Variants in CDH1 observed in about 807,000 individuals in gnomAD.
The protein encoded by CDH1 is cadherin-1.
Under a neutral mutation model 84.5 loss-of-function variants are expected in CDH1, and 35 were observed. The ratio of observed to expected loss-of-function variants is 0.41; its 90% confidence interval spans 0.32 to 0.55. The LOEUF (loss-of-function observed/expected upper bound fraction) is 0.55. Ranked by LOEUF, CDH1 falls within the 20% of genes least tolerant of loss-of-function variation. The pLI is 0.19. For missense variants in CDH1, 994 were observed against 1,126.6 expected (o/e 0.88, Z 1.68); for synonymous variants, 417 against 439.0 (o/e 0.95, Z 0.63).
intron 2 of CDH1, among the ~76,000 whole-genome samples, chr16:68,791,855 G>T (rs1265098408): frequency 6.6e-6 from 1 of 152,172 alleles, no homozygotes; most frequent in Non-Finnish European, 1.5e-5. Flanking sequence ...GCTCGCTAAA[G>T]ATTTACTGGA....
intron 2 of CDH1, among the ~76,000 whole-genome samples, chr16:68,791,034 C>G (rs1306730049): frequency 1.3e-5 from 2 of 152,142 alleles, no homozygotes; most frequent in African/African-American, 4.8e-5. Flanking sequence ...CAAGAGCTAA[C>G]CTTTCTCATA....
In CDH1 at chr16:68,810,386, G is replaced by A. The variant is rs748124093; in HGVS notation, c.832+45G>A. 1.9e-6 allele frequency: 3 copies of A among 1,588,420 alleles called. 1 individual carries two copies. In the South Asian group the frequency reaches 3.3e-5, roughly 18 times the overall value. On this transcript the variant is annotated intron_variant, in intron 6 of 15. Coordinates refer to ENST00000261769, the MANE Select transcript of CDH1 (RefSeq NM_004360.5). Reference sequence around the variant, plus strand: ...TCTGAATACTCAGAAAGACTCTTAGGTTCTTTGGACCCCAAAGTGTTGTCC... The same window carrying A: ...TCTGAATACTCAGAAAGACTCTTAGATTCTTTGGACCCCAAAGTGTTGTCC...
intron 2 of CDH1, among the ~76,000 whole-genome samples, chr16:68,797,155 G>A (rs1439723693): frequency 6.6e-6 from 1 of 152,140 alleles, no homozygotes; most frequent in Non-Finnish European, 1.5e-5. Flanking sequence ...GGGAGGCTGA[G>A]GCAGGTGGAT....
At chr16:68,752,589 GT>G (rs1002657565) in intron 2 of CDH1, among the ~76,000 whole-genome samples, 16 of 152,150 alleles carry the variant, frequency 1.1e-4, no homozygotes, top group African/African-American at 3.6e-4. Context: ...CACTGTAGTT[GT>G]TTTTTTCTTT....
chr16:68,829,639 CT>C lies in CDH1; in HGVS notation c.2296-9del. ...TTCCTACTCTTCATTGTACTTCAAC[CT>C]TTTTTCTCCAAAGGACTTTGACTTG... On this transcript the variant is annotated splice_polypyrimidine_tract_variant and intron_variant, in intron 14 of 15. Coordinates refer to ENST00000261769, the MANE Select transcript of CDH1 (RefSeq NM_004360.5). 1 of 1,613,832 alleles carries C rather than the reference CT, an allele frequency of 6.2e-7. No individual in the cohort carries two copies. The highest frequency in any genetic ancestry group is 8.5e-7 in the Non-Finnish European group (1 of 1,179,832).
intron 12 of CDH1, 143 bp from the exon 13 acceptor site, chr16:68,823,254 AAG>A: frequency 1.6e-6 from 1 of 640,588 alleles, no homozygotes; most frequent in Non-Finnish European, 2.7e-6. Flanking sequence ...AAAAAAAAAA[AAG>A]TACATACCTA....
At chr16:68,829,953 C>CTTTTTTTTTTTT (rs67262350) in intron 15 of CDH1, among the ~76,000 whole-genome samples, 156 bp downstream of exon 15, 4 of 102,214 alleles carry the variant, frequency 3.9e-5, no homozygotes, top group African/African-American at 2.0e-4. Flanking sequence ...CTTTTTTTTT[C>CTTTTTTTTTTTT]TTTTTCTTTT....
intron 2 of CDH1, among the ~76,000 whole-genome samples, chr16:68,786,582 T>C (rs1960057854): frequency 7.3e-6 from 1 of 137,576 alleles, no homozygotes; most frequent in Non-Finnish European, 1.5e-5. Flanking sequence ...GCATGGGTTG[T>C]AGGCTTCATT....
intron 2 of CDH1, among the ~76,000 whole-genome samples, chr16:68,775,125 C>CAAA (rs58497601): frequency 9.2e-6 from 1 of 108,156 alleles, no homozygotes; most frequent in African/African-American, 3.1e-5. Context: ...GGCCCTGTCT[C>CAAA]AAAAAAAAAA....
At chr16:68,774,815 G>T (rs921888368) in intron 2 of CDH1, among the ~76,000 whole-genome samples, 3 of 152,176 alleles carry the variant, frequency 2.0e-5, no homozygotes, top group Non-Finnish European at 2.9e-5. Flanking sequence ...AACCATTGGT[G>T]TGGTTGTTGT....
intron 3 of CDH1, among the ~76,000 whole-genome samples, chr16:68,804,421 CT>C (rs1960597383): frequency 6.6e-6 from 1 of 152,156 alleles, no homozygotes; most frequent in South Asian, 2.1e-4. Flanking sequence ...CCCTATCTGC[CT>C]TTTAAGAAAC....
At position 68,835,336 on chromosome 16, in the gene CDH1, G is replaced by T. The variant is rs1466544639; in HGVS notation, c.*1837G>T. On this transcript the variant is annotated 3_prime_UTR_variant, in exon 16 of 16. Transcript: ENST00000261769. ...AAATCAACCCTGCAATCACTTTTTG[G>T]AATTGTCTTGATTTTTCGGCAGTTC... is the stretch of plus-strand genomic sequence containing the variant. 8.9e-6 allele frequency: 2 copies of T among 223,804 alleles called. No homozygotes were observed. Among genetic ancestry groups the T allele is most frequent in the Non-Finnish European group, 1.8e-5 (2 of 112,098 alleles). 13.9% of individuals were successfully genotyped at this position (223,804 alleles called of 1,614,324 possible).
In CDH1 at chr16:68,823,557, C is replaced by A. The variant is rs121964874; in HGVS notation, c.2095C>A (p.Gln699Lys). 1 of 1,614,038 alleles carries A rather than the reference C, an allele frequency of 6.2e-7. No homozygotes were observed. The highest frequency in any genetic ancestry group is 1.1e-5 in the South Asian group (1 of 91,076). The change falls in exon 13 of 16, where the codon CAG becomes AAG. Residue 699 changes from glutamine to lysine, a missense_variant. Gln to Lys is a moderately conservative substitution (Grantham distance 53). Transcript: ENST00000261769. ...EGAAGVCRKAQPVEAGLQIPA... is the reference protein window; with the variant it reads ...EGAAGVCRKAKPVEAGLQIPA... The stretch of plus-strand genomic sequence containing the variant: ...GGCCGCTGGCGTCTGTAGGAAGGCA[C>A]AGCCTGTCGAAGCAGGATTGCAAAT...
Position 68,822,341 on chromosome 16 carries a change from T to C in CDH1, c.1936+116T>C, listed in dbSNP as rs534561281. ...TTCTAGATGTCACCCCTTCCATTGA[T>C]ACTTGCTTCCTTGTCCCTTCTGTCT... On this transcript the variant is annotated intron_variant, in intron 12 of 15. Transcript: ENST00000261769. 10 of 758,168 alleles carry C rather than the reference T, an allele frequency of 1.3e-5. No homozygotes were observed. The Admixed American group carries it at 1.6e-4, about 12-fold the overall frequency. 47.0% of individuals were successfully genotyped at this position (758,168 alleles called of 1,614,324 possible).
Position 68,823,554 on chromosome 16 carries a change from G to A in CDH1, c.2092G>A (p.Ala698Thr), listed in dbSNP as rs1167040681. Residue 698 changes from alanine (A) to threonine (T), a missense_variant, in exon 13 of 16, where the codon GCA (alanine) becomes ACA (threonine). Around this residue, in one of 3 missense-constraint regions of CDH1, gnomAD observed 769 missense variants for 881.8 expected, o/e 0.87. Coordinates refer to ENST00000261769, the MANE Select transcript of CDH1 (RefSeq NM_004360.5). ...CEGAAGVCRK[A>T]QPVEAGLQIP... is the part of the protein sequence containing the mutation. ...AGGGGCCGCTGGCGTCTGTAGGAAG[G>A]CACAGCCTGTCGAAGCAGGATTGCA... 2 of 1,614,016 alleles carry A rather than the reference G, an allele frequency of 1.2e-6. No individual in the cohort carries two copies. The highest frequency in any genetic ancestry group is 1.1e-5 in the South Asian group (1 of 91,072).
intron 2 of CDH1, among the ~76,000 whole-genome samples, chr16:68,788,894 G>A (rs1960138415): frequency 6.6e-6 from 1 of 152,058 alleles, no homozygotes; most frequent in Non-Finnish European, 1.5e-5. Flanking sequence ...AATCCCAGCT[G>A]CTTGGGAGGC....
At chr16:68,803,244 AG>A (rs1381560975) in intron 3 of CDH1, among the ~76,000 whole-genome samples, 1 of 152,152 alleles carries the variant, frequency 6.6e-6, no homozygotes, top group African/African-American at 2.4e-5. Context: ...TGGTGTAATT[AG>A]ACCAGAAAAA....
intron 2 of CDH1, among the ~76,000 whole-genome samples, chr16:68,788,302 C>T (rs1790822278): frequency 6.6e-6 from 1 of 152,164 alleles, no homozygotes; most frequent in South Asian, 2.1e-4. Flanking sequence ...ATTTAATTTA[C>T]ATACCACACA....
In CDH1 at chr16:68,813,336, C is replaced by T. The variant is rs111266450; in HGVS notation, c.1161C>T (p.Asn387=). ...PTTYKGQVPE[N]EANVVITTLK... ...AGTACAAGGGTCAGGTGCCTGAGAA[C>T]GAGGCTAACGTCGTAATCACCACAC... Residue 387 remains asparagine, a synonymous_variant, in exon 9 of 16, where the codon AAC becomes AAT. Transcript: ENST00000261769. 37 of 1,614,090 alleles carry T rather than the reference C, an allele frequency of 2.3e-5. No individual in the cohort carries two copies. The Admixed American group carries it at 2.7e-4, about 12-fold the overall frequency.
Sources: gnomAD v4.1 joint callset for allele counts (sites outside exome capture counted in the v4.1 genomes callset) on GRCh38, gnomAD v4.1.1 for gene constraint, gnomAD v4.1.1 regional missense constraint, MANE v1.5 for transcripts, NCBI Gene and HGNC (gene_info 2026-07-23, HGNC 2026-07-21) for gene names.